Variants in ZNF385D observed in about 807,000 individuals in gnomAD.
ZNF385D encodes zinc finger protein 385D, also known as zinc finger protein 659.
ZNF385D carries 15 observed loss-of-function variants against 35.8 expected under a neutral mutation model. The observed-to-expected ratio is 0.42, with a 90% CI of 0.28 to 0.64. ZNF385D has a LOEUF of 0.64. Ranked by LOEUF, ZNF385D falls within the 30% of genes least tolerant of loss-of-function variation. ZNF385D has a pLI of 0.23. For missense variants in ZNF385D, 474 were observed against 494.6 expected (o/e 0.96, Z 0.39); for synonymous variants, 212 against 186.8 (o/e 1.13, Z -1.10).
At chr3:22,254,704 C>A (rs1217028126) in intron 2 of ZNF385D, among the ~76,000 whole-genome samples, 3 of 151,722 alleles carry the variant, frequency 2.0e-5, no homozygotes, top group African/African-American at 7.3e-5. Context: ...AAGGGATTAA[C>A]AACAACTAAT....
intron 3 of ZNF385D, among the ~76,000 whole-genome samples, chr3:22,077,738 A>G (rs1039544553): frequency 2.0e-5 from 3 of 152,142 alleles, no homozygotes; most frequent in East Asian, 3.9e-4. Context: ...CTGCCTACAT[A>G]ATTTCTACCT....
intron 2 of ZNF385D, among the ~76,000 whole-genome samples, chr3:22,188,200 G>T (rs1279397012): frequency 6.6e-6 from 1 of 152,128 alleles, no homozygotes; most frequent in Non-Finnish European, 1.5e-5. Context: ...CAAAGACAAA[G>T]CATTAGATTT....
intron 2 of ZNF385D, among the ~76,000 whole-genome samples, chr3:21,653,662 A>T (rs2065988911): frequency 6.6e-6 from 1 of 152,052 alleles, no homozygotes; most frequent in Admixed American, 6.6e-5. Flanking sequence ...TTAAAACCAG[A>T]TTCTGTCAAT....
chr3:21,855,979 T>C (rs1453668079), intron 3 of ZNF385D, among the ~76,000 whole-genome samples: 1 of 152,036 alleles, frequency 6.6e-6, no homozygotes, highest in Non-Finnish European at 1.5e-5. Flanking sequence ...CACTTATCTA[T>C]CCTCTAAGTT....
At chr3:22,030,692 T>A (rs909106173) in intron 3 of ZNF385D, among the ~76,000 whole-genome samples, 1 of 152,104 alleles carries the variant, frequency 6.6e-6, no homozygotes, top group Non-Finnish European at 1.5e-5. Context: ...ACCATATCAT[T>A]CTGCCCTGGC....
At chr3:22,295,255 T>C (rs1349515056) in intron 2 of ZNF385D, among the ~76,000 whole-genome samples, 1 of 152,080 alleles carries the variant, frequency 6.6e-6, no homozygotes, top group Non-Finnish European at 1.5e-5. Context: ...ACATTCCCAA[T>C]ACATTAGGAC....
intron 5 of ZNF385D, among the ~76,000 whole-genome samples, chr3:21,432,191 GA>G (rs147517472): frequency 0.024 from 3,587 of 152,178 alleles, 123 homozygotes; most frequent in Admixed American, 0.089. Context: ...CTGCTCTATT[GA>G]AATGTATTAA....
At chr3:22,180,010 A>T (rs970626837) in intron 2 of ZNF385D, among the ~76,000 whole-genome samples, 22 of 152,208 alleles carry the variant, frequency 1.4e-4, no homozygotes, top group Non-Finnish European at 2.4e-4. Flanking sequence ...TGGTTTTTTG[A>T]AAAGATCAAC....
At chr3:21,573,460 A>T (rs569589394) in intron 2 of ZNF385D, among the ~76,000 whole-genome samples, 33 of 152,356 alleles carry the variant, frequency 2.2e-4, no homozygotes, top group South Asian at 4.1e-4. Flanking sequence ...ACACCAAGTA[A>T]TGTTGAAAGT....
intron 3 of ZNF385D, among the ~76,000 whole-genome samples, chr3:22,037,776 C>T (rs1016668615): frequency 1.7e-4 from 26 of 152,156 alleles, no homozygotes; most frequent in Admixed American, 8.5e-4. Flanking sequence ...GACATGAAGT[C>T]CTTGCCCATG....
chr3:21,951,511 C>T (rs1459966330), intron 3 of ZNF385D, among the ~76,000 whole-genome samples: 1 of 151,652 alleles, frequency 6.6e-6, no homozygotes, highest in Non-Finnish European at 1.5e-5. Context: ...GACAATTTGA[C>T]TTCCATTCTT....
intron 2 of ZNF385D, among the ~76,000 whole-genome samples, chr3:22,174,945 A>T (rs559934043): frequency 6.6e-6 from 1 of 152,234 alleles, no homozygotes; most frequent in East Asian, 1.9e-4. Context: ...CAAATTTTAC[A>T]AAAGTTTTGC....
At chr3:22,369,343 C>T (rs1474716275) in intron 2 of ZNF385D, among the ~76,000 whole-genome samples, 2 of 152,048 alleles carry the variant, frequency 1.3e-5, no homozygotes, top group African/African-American at 2.4e-5. Context: ...TAAGGCTAAC[C>T]ATTTACAAGA....
intron 3 of ZNF385D, among the ~76,000 whole-genome samples, chr3:21,561,458 G>A (rs1221538683): frequency 3.3e-5 from 5 of 152,126 alleles, no homozygotes; most frequent in Non-Finnish European, 5.9e-5. Flanking sequence ...GCTTCTGCTC[G>A]CCCTCTGTGG....
intron 2 of ZNF385D, among the ~76,000 whole-genome samples, chr3:22,178,968 T>C (rs1489276045): frequency 6.9e-6 from 1 of 144,846 alleles, no homozygotes; most frequent in African/African-American, 2.6e-5. Context: ...ACCAGTACCA[T>C]GCTGTTTTGG....
intron 3 of ZNF385D, among the ~76,000 whole-genome samples, chr3:22,036,883 C>T (rs1698359909): frequency 8.4e-6 from 1 of 118,484 alleles, no homozygotes; most frequent in African/African-American, 3.2e-5. Context: ...CCACAACAGG[C>T]CCCAGTGTGT....
At chr3:21,504,043 G>A (rs1706592549) in intron 4 of ZNF385D, among the ~76,000 whole-genome samples, 1 of 152,138 alleles carries the variant, frequency 6.6e-6, no homozygotes, top group African/African-American at 2.4e-5. Flanking sequence ...ATTGTAATTA[G>A]TAGCTTTATC....
At chr3:21,999,547 G>C (rs1298952760) in intron 3 of ZNF385D, among the ~76,000 whole-genome samples, 1 of 152,048 alleles carries the variant, frequency 6.6e-6, no homozygotes, top group African/African-American at 2.4e-5. Flanking sequence ...TTATTCTCTT[G>C]AGAAGAATCT....
intron 3 of ZNF385D, among the ~76,000 whole-genome samples, chr3:21,921,874 T>C (rs959654189): frequency 6.8e-6 from 1 of 146,364 alleles, no homozygotes; most frequent in Admixed American, 6.8e-5. Context: ...AACCAAAAGA[T>C]GCCCTAGAAC....
Sources: gnomAD v4.1 joint callset for allele counts (sites outside exome capture counted in the v4.1 genomes callset) on GRCh38, gnomAD v4.1.1 for gene constraint, MANE v1.5 for transcripts, NCBI Gene and HGNC (gene_info 2026-07-23, HGNC 2026-07-21) for gene names.